Variants in GABRP observed in about 807,000 individuals in gnomAD.
GABRP encodes gamma-aminobutyric acid type A receptor subunit pi.
A neutral mutation model predicts 47.8 loss-of-function variants in GABRP; 52 were observed. That is an observed-to-expected ratio of 1.09 (90% CI 0.87 to 1.37). GABRP has a LOEUF of 1.37. Ranked by LOEUF, GABRP falls within the 40% of genes most tolerant of loss-of-function variation. The probability of loss-of-function intolerance (pLI) is 0.00; values close to 1 mark genes in which losing one functional copy is unlikely to be tolerated. For synonymous variants in GABRP, 221 were observed against 205.8 expected (o/e 1.07, Z -0.63); for missense variants, 525 against 542.8 (o/e 0.97, Z 0.33).
Position 170,789,248 on chromosome 5 carries a change from G to C in GABRP, c.172+1G>C, listed in dbSNP as rs1293827328. 1 of 1,591,914 alleles carries C rather than the reference G, an allele frequency of 6.3e-7. No individual in the cohort carries two copies. The highest frequency in any genetic ancestry group is 8.6e-7 in the Non-Finnish European group (1 of 1,160,042). On this transcript the variant is annotated splice_donor_variant, in intron 3 of 9. Coordinates refer to ENST00000265294, the MANE Select transcript of GABRP (RefSeq NM_014211.3). LOFTEE classifies it high-confidence loss of function. ...AAATTTCTCAGGCCCAATTTTGGTG[G>C]TAGGTCATCCTCTGTGTCCAGGACA...
intron 6 of GABRP, among the ~76,000 whole-genome samples, chr5:170,799,275 T>C (rs1194338263): frequency 6.6e-6 from 1 of 152,248 alleles, no homozygotes; most frequent in Non-Finnish European, 1.5e-5. Context: ...GCATGATTTA[T>C]ATTCCTTTGT....
chr5:170,809,905 T>C (rs1437981404), intron 9 of GABRP, 150 bp downstream of exon 9: 9 of 748,752 alleles, frequency 1.2e-5, no homozygotes, highest in Non-Finnish European at 2.1e-5. Flanking sequence ...TGGGAGCAGC[T>C]GGAAGTCATG....
At chr5:170,809,831 G>A in intron 9 of GABRP, 76 bp downstream of exon 9, 1 of 1,401,802 alleles carries the variant, frequency 7.1e-7, no homozygotes, top group South Asian at 1.3e-5. Flanking sequence ...GCTGGACCTG[G>A]CTTCTATCCC....
Position 170,804,440 on chromosome 5 carries a change from T to C in GABRP, c.542-1276T>C, listed in dbSNP as rs561234086. Among the ~76,000 whole-genome samples, 18 of 152,314 alleles carry C rather than the reference T, an allele frequency of 1.2e-4. No homozygotes were observed. The South Asian group carries it at 3.3e-3, about 28-fold the overall frequency. On this transcript the variant is annotated intron_variant, in intron 6 of 9. Transcript: ENST00000265294. ...TTAAGTTTTAAAGAAATTGCTACTTTGTTACTGTTTCCCAAAGTGGTTGTA... is the reference window on the plus strand; with the variant it reads ...TTAAGTTTTAAAGAAATTGCTACTTCGTTACTGTTTCCCAAAGTGGTTGTA...
At chr5:170,795,866 T>C (rs1247114418) in intron 5 of GABRP, among the ~76,000 whole-genome samples, 1 of 152,208 alleles carries the variant, frequency 6.6e-6, no homozygotes, top group Non-Finnish European at 1.5e-5. Flanking sequence ...CTTTCCTTTC[T>C]TGGGGCCCAG....
rs1765900371 is a variant in GABRP at position 170,812,002 on chromosome 5, A to G, written c.1067A>G (p.Asn356Ser). 1 of 1,614,208 alleles carries G rather than the reference A, an allele frequency of 6.2e-7. No individual in the cohort carries two copies. Among genetic ancestry groups the G allele is most frequent in the East Asian group, 2.2e-5 (1 of 44,884 alleles). ...GAAGTCAGTATTACTAATATCATCA[A>G]CAGCTCCATCTCCAGCTTTAAACGG... ...VEEVSITNII[N>S]SSISSFKRKI... The change falls in exon 10 of 10, where the codon AAC becomes AGC. Residue 356 changes from asparagine to serine, a missense_variant. Physicochemically the swap from Asn to Ser is conservative, Grantham distance 46. Coordinates refer to ENST00000265294, the MANE Select transcript of GABRP (RefSeq NM_014211.3).
intron 6 of GABRP, among the ~76,000 whole-genome samples, chr5:170,798,791 G>A (rs977370193): frequency 2.0e-5 from 3 of 150,804 alleles, no homozygotes; most frequent in African/African-American, 4.9e-5. Context: ...CATTTTTTTT[G>A]TTTTATATAT....
intron 6 of GABRP, among the ~76,000 whole-genome samples, chr5:170,803,035 T>A (rs907803792): frequency 7.9e-5 from 12 of 152,172 alleles, no homozygotes. Flanking sequence ...AAAGTCAGAG[T>A]GTCCAGGTAG....
intron 4 of GABRP, among the ~76,000 whole-genome samples, chr5:170,794,718 A>G (rs1412126901): frequency 1.3e-5 from 2 of 152,092 alleles, no homozygotes; most frequent in Non-Finnish European, 2.9e-5. Flanking sequence ...GCTGACAACG[A>G]CTGTCTCCCT....
chr5:170,784,744 C>T (rs949472200), intron 1 of GABRP, among the ~76,000 whole-genome samples: 1 of 152,188 alleles, frequency 6.6e-6, no homozygotes, highest in South Asian at 2.1e-4. Flanking sequence ...GCTTTCTATT[C>T]CCATTTGTCA....
At chr5:170,784,046 T>C (rs1030837423) in intron 1 of GABRP, among the ~76,000 whole-genome samples, 172 bp downstream of exon 1, 1 of 152,188 alleles carries the variant, frequency 6.6e-6, no homozygotes, top group Non-Finnish European at 1.5e-5. Flanking sequence ...TTAGAGCCCC[T>C]GCTGTCCTCA....
intron 6 of GABRP, among the ~76,000 whole-genome samples, chr5:170,802,095 C>T (rs1027362259): frequency 6.6e-6 from 1 of 152,152 alleles, no homozygotes; most frequent in Admixed American, 6.5e-5. Flanking sequence ...CACAGTCATG[C>T]CAGTAAATGG....
At chr5:170,794,536 A>G in intron 4 of GABRP, 1 of 359,774 alleles carries the variant, frequency 2.8e-6, no homozygotes, top group Non-Finnish European at 5.0e-6. Flanking sequence ...TTTCCTGAGT[A>G]GCAGGAAGAA....
At chr5:170,798,904 G>A (rs1022818563) in intron 6 of GABRP, among the ~76,000 whole-genome samples, 10 of 151,542 alleles carry the variant, frequency 6.6e-5, no homozygotes, top group African/African-American at 1.9e-4. Flanking sequence ...CCATTAACTC[G>A]TCATTTACAT....
intron 6 of GABRP, among the ~76,000 whole-genome samples, chr5:170,802,226 C>T (rs1339415097): frequency 1.3e-5 from 2 of 152,108 alleles, no homozygotes. Flanking sequence ...CCTTAGTAAA[C>T]CGCTCCGAAA....
At chr5:170,792,018 G>A (rs1358377115) in intron 3 of GABRP, among the ~76,000 whole-genome samples, 1 of 152,202 alleles carries the variant, frequency 6.6e-6, no homozygotes, top group Non-Finnish European at 1.5e-5. Context: ...GTTCCACCAT[G>A]AGGCTTAATC....
upstream of GABRP, among the ~76,000 whole-genome samples, chr5:170,783,081 G>T (rs368346810): frequency 1.6e-4 from 24 of 152,280 alleles, no homozygotes; most frequent in African/African-American, 5.8e-4. Context: ...AATCCTCTGT[G>T]TGAGAGCAGG....
chr5:170,794,014 G>C (rs895339767), intron 3 of GABRP, among the ~76,000 whole-genome samples: 2 of 152,072 alleles, frequency 1.3e-5, no homozygotes, highest in African/African-American at 4.8e-5. Flanking sequence ...CTATGTATGT[G>C]TGCATATTTT....
In GABRP at chr5:170,810,964, T is replaced by C. The variant is rs111571488; in HGVS notation, c.1021-992T>C. 5.0e-3 allele frequency among the ~76,000 whole-genome samples: 766 copies of C among 151,744 alleles called. 6 individuals are homozygous for C. Among genetic ancestry groups the C allele is most frequent in the African/African-American group, 0.018 (736 of 41,378 alleles). On this transcript the variant is annotated intron_variant, in intron 9 of 9. Coordinates refer to ENST00000265294, the MANE Select transcript of GABRP (RefSeq NM_014211.3). ...CGCCCAAGAATCTGGATTTACTAGA[T>C]TGGCAAAATGGACATTGGTGAAATA...
Sources: gnomAD v4.1 joint callset for allele counts (sites outside exome capture counted in the v4.1 genomes callset) on GRCh38, gnomAD v4.1.1 for gene constraint, MANE v1.5 for transcripts, NCBI Gene and HGNC (gene_info 2026-07-23, HGNC 2026-07-21) for gene names.